TENM2: variants seen among roughly 807,000 people sequenced by gnomAD.
TENM2 encodes the protein teneurin transmembrane protein 2, also known as teneurin-2.
A neutral mutation model predicts 245.2 loss-of-function variants in TENM2; 52 were observed. That is an observed-to-expected ratio of 0.21 (90% CI 0.17 to 0.27). The LOEUF (loss-of-function observed/expected upper bound fraction) is 0.27, where lower values mean the gene tolerates loss of function less well. Ranked by LOEUF, TENM2 falls within the 10% of genes least tolerant of loss-of-function variation. TENM2 has a pLI of 1.00. For synonymous variants in TENM2, 1,363 were observed against 1,438.9 expected, an observed-to-expected ratio of 0.95 and a Z score of 1.19; for missense variants, 3,046 against 3,666.8, an observed-to-expected ratio of 0.83 and a Z score of 4.37.
At chr5:167,831,664 T>TTC (rs1768508185) in intron 2 of TENM2, among the ~76,000 whole-genome samples, 1 of 152,122 alleles carries the variant, frequency 6.6e-6, no homozygotes, top group African/African-American at 2.4e-5. Context: ...AATAAGAACC[T>TTC]TGCGGACAGA....
At chr5:167,460,682 C>G (rs1180470118) in intron 2 of TENM2, among the ~76,000 whole-genome samples, 1 of 151,488 alleles carries the variant, frequency 6.6e-6, no homozygotes, top group Non-Finnish European at 1.5e-5. Flanking sequence ...AGCTGTATAA[C>G]TAAAAATAAA....
At chr5:167,768,779 A>G (rs1763209479) in intron 2 of TENM2, among the ~76,000 whole-genome samples, 2 of 152,226 alleles carry the variant, frequency 1.3e-5, no homozygotes, top group African/African-American at 4.8e-5. Flanking sequence ...TAAGTAAGAT[A>G]ATAAATGTAA....
At chr5:167,091,196 C>A in the TENM2 span, among the ~76,000 whole-genome samples, 1 of 151,956 alleles carries the variant, frequency 6.6e-6, no homozygotes, top group Admixed American at 6.6e-5. Context: ...TCTTTATAAG[C>A]CTATTTTCAT....
chr5:167,949,471 A>C (rs535265763), intron 3 of TENM2, among the ~76,000 whole-genome samples: 185 of 152,296 alleles, frequency 1.2e-3, no homozygotes, highest in Middle Eastern at 3.4e-3. Context: ...GTTATGTCTT[A>C]TCCATCCTTT....
chr5:168,207,124 T>C (rs1021872682), intron 19 of TENM2, among the ~76,000 whole-genome samples: 1 of 152,324 alleles, frequency 6.6e-6, no homozygotes, highest in Admixed American at 6.5e-5. Context: ...TTGATGCCAC[T>C]GAATGCCTTG....
At chr5:167,865,059 T>A (rs1474590354) in intron 2 of TENM2, among the ~76,000 whole-genome samples, 1 of 152,164 alleles carries the variant, frequency 6.6e-6, no homozygotes, top group African/African-American at 2.4e-5. Context: ...ACTAAGCTCT[T>A]ACAAAATAGA....
chr5:167,890,699 T>A (rs1774679368), intron 3 of TENM2, among the ~76,000 whole-genome samples: 1 of 152,220 alleles, frequency 6.6e-6, no homozygotes, highest in Admixed American at 6.5e-5. Context: ...CATGATCTTT[T>A]AATTTATTCA....
At chr5:167,165,038 A>G in the TENM2 span, 24 of 152,244 alleles carry the variant, frequency 1.6e-4, no homozygotes, top group Admixed American at 2.6e-4. Flanking sequence ...ATAACTTATT[A>G]AAATCTCTTT....
intron 9 of TENM2, among the ~76,000 whole-genome samples, chr5:168,099,844 C>T (rs962613702): frequency 2.0e-5 from 3 of 152,154 alleles, no homozygotes; most frequent in African/African-American, 4.8e-5. Context: ...TAAATGACAC[C>T]GCTTACAGGC....
chr5:167,702,552 GTATATATATATATATATATACA>G (rs1224990659), intron 2 of TENM2, among the ~76,000 whole-genome samples: 5 of 136,780 alleles, frequency 3.7e-5, no homozygotes, highest in South Asian at 2.3e-4. Flanking sequence ...GTGTGTGTGT[GTATATATATATATATATATACA>G]TATATATATA....
chr5:167,982,882 G>A (rs1782949157), intron 4 of TENM2, among the ~76,000 whole-genome samples: 1 of 152,168 alleles, frequency 6.6e-6, no homozygotes, highest in South Asian at 2.1e-4. Context: ...CTTGAACACT[G>A]TCTAACTGTC....
At chr5:167,177,764 G>A in the TENM2 span, among the ~76,000 whole-genome samples, 1,695 of 152,238 alleles carry the variant, frequency 0.011, 28 homozygotes, top group African/African-American at 0.038. Context: ...TAAATCAGTT[G>A]TATTGTCATA....
chr5:167,894,978 G>T (rs564276714), intron 3 of TENM2, among the ~76,000 whole-genome samples: 29 of 128,090 alleles, frequency 2.3e-4, no homozygotes, highest in African/African-American at 7.4e-4. Flanking sequence ...AGGAAGGAAG[G>T]AAGGAAGGAA....
At chr5:167,255,156 A>C in the TENM2 span, among the ~76,000 whole-genome samples, 1 of 151,654 alleles carries the variant, frequency 6.6e-6, no homozygotes, top group African/African-American at 2.4e-5. Context: ...ACAGTCAAAA[A>C]CTTAGTCCCT....
At chr5:167,463,530 C>A (rs979767267) in intron 2 of TENM2, among the ~76,000 whole-genome samples, 2 of 150,404 alleles carry the variant, frequency 1.3e-5, no homozygotes, top group African/African-American at 2.4e-5. Flanking sequence ...CAGAGTTTCA[C>A]TTTTGTTGCC....
At chr5:168,217,502 C>T (rs539150621) in intron 22 of TENM2, among the ~76,000 whole-genome samples, 6 of 152,268 alleles carry the variant, frequency 3.9e-5, no homozygotes, top group African/African-American at 1.4e-4. Context: ...CAACCCTTGG[C>T]GAGCCTCATA....
intron 1 of TENM2, among the ~76,000 whole-genome samples, chr5:167,296,696 A>C (rs1243337216): frequency 1.3e-5 from 2 of 152,240 alleles, no homozygotes; most frequent in Non-Finnish European, 2.9e-5. Flanking sequence ...GCCTGGCGGC[A>C]GCTTTGGGTT....
the TENM2 span, among the ~76,000 whole-genome samples, chr5:167,199,214 A>G: frequency 6.6e-6 from 1 of 152,044 alleles, no homozygotes; most frequent in Admixed American, 6.6e-5. Context: ...ATGGCATCAC[A>G]TAAATAAGAA....
At chr5:167,618,753 G>A (rs1039867783) in intron 2 of TENM2, among the ~76,000 whole-genome samples, 1 of 152,026 alleles carries the variant, frequency 6.6e-6, no homozygotes, top group Non-Finnish European at 1.5e-5. Flanking sequence ...TGTATTCTCA[G>A]CTAGAGGCTT....
Sources: gnomAD v4.1 joint callset for allele counts (sites outside exome capture counted in the v4.1 genomes callset) on GRCh38, gnomAD v4.1.1 for gene constraint, MANE v1.5 for transcripts, NCBI Gene and HGNC (gene_info 2026-07-23, HGNC 2026-07-21) for gene names.